PXK: variants seen among roughly 807,000 people sequenced by gnomAD.
PXK encodes the protein PX domain-containing protein kinase-like protein.
PXK carries 35 observed loss-of-function variants against 84.7 expected under a neutral mutation model. The ratio of observed to expected loss-of-function variants is 0.41; its 90% confidence interval spans 0.32 to 0.55. The LOEUF (loss-of-function observed/expected upper bound fraction) is 0.55. Ranked by LOEUF, PXK falls within the 20% of genes least tolerant of loss-of-function variation. The pLI is 0.21. For synonymous variants in PXK, 253 were observed against 260.8 expected, an observed-to-expected ratio of 0.97 and a Z score of 0.29; for missense variants, 634 against 699.7, an observed-to-expected ratio of 0.91 and a Z score of 1.06.
intron 1 of PXK, among the ~76,000 whole-genome samples, chr3:58,353,389 C>T (rs190395378): frequency 7.9e-5 from 12 of 152,208 alleles, no homozygotes; most frequent in South Asian, 4.1e-4. Context: ...TAGGTTAATA[C>T]GGTAATGATT....
chr3:58,335,039 GT>G (rs2097568528), intron 1 of PXK, among the ~76,000 whole-genome samples: 1 of 150,686 alleles, frequency 6.6e-6, no homozygotes, highest in African/African-American at 2.4e-5. Flanking sequence ...GTGTGTGTGT[GT>G]GTGTGTGTGT....
intron 17 of PXK, among the ~76,000 whole-genome samples, chr3:58,417,213 C>A (rs774188004): frequency 2.0e-5 from 3 of 152,200 alleles, no homozygotes; most frequent in Non-Finnish European, 4.4e-5. Flanking sequence ...CCTCACAGTT[C>A]TTTCTAATCA....
At chr3:58,389,999 CAAAAAAAAAAAAAA>C (rs61380830) in intron 4 of PXK, among the ~76,000 whole-genome samples, 1 of 51,608 alleles carries the variant, frequency 1.9e-5, no homozygotes, top group Non-Finnish European at 3.2e-5. Context: ...AACTCCGTCT[CAAAAAAAAAAAAAA>C]AAAAAAAAAA....
In PXK at chr3:58,383,277, GCA is replaced by G. The variant is rs772720407; in HGVS notation, c.388+578_388+579del. 2.2e-4 allele frequency among the ~76,000 whole-genome samples: 34 copies of G among 152,120 alleles called. No individual in the cohort carries two copies. Among genetic ancestry groups the G allele is most frequent in the Non-Finnish European group, 3.8e-4 (26 of 68,032 alleles). On this transcript the variant is annotated intron_variant, in intron 4 of 17. Transcript: ENST00000356151. This position sits in a 1 kb window ranked among gnomAD's most constrained non-coding sequence, Gnocchi z 4.0. ...ACTGCACTCTAGCCTAGGCAACAGA[GCA>G]AGACTCTGTCTTAAAAAGATAATAA... is the stretch of plus-strand genomic sequence containing the variant.
chr3:58,383,232 C>T lies in PXK; in HGVS notation c.388+532C>T, dbSNP rs1005882870. Among the ~76,000 whole-genome samples the T allele has an allele frequency of 6.6e-6, 1 of 152,156 alleles. No homozygotes were observed. Among genetic ancestry groups the T allele is most frequent in the Non-Finnish European group, 1.5e-5 (1 of 68,026 alleles). On this transcript the variant is annotated intron_variant, in intron 4 of 17. Transcript: ENST00000356151. The surrounding 1 kb of genome is among the most constrained non-coding windows in gnomAD (Gnocchi z 4.0). ...GCTTGAACCCGGGAGGTGGAGGTTG[C>T]AGTGAGCCGAGATAGCACCACTGCA... is the stretch of plus-strand genomic sequence containing the variant.
At chr3:58,393,485 GA>G (rs2098651475) in intron 7 of PXK, among the ~76,000 whole-genome samples, 1 of 152,084 alleles carries the variant, frequency 6.6e-6, no homozygotes, top group African/African-American at 2.4e-5. Context: ...TTTAAAACCT[GA>G]TTTTTTTTTC....
At chr3:58,373,976 T>C (rs1174483660) in intron 3 of PXK, among the ~76,000 whole-genome samples, 2 of 141,010 alleles carry the variant, frequency 1.4e-5, no homozygotes, top group East Asian at 4.2e-4. Context: ...ACCCAGGAGG[T>C]GGAGCTTGCA....
At chr3:58,417,588 A>G (rs1491002807) in intron 17 of PXK, among the ~76,000 whole-genome samples, 2 of 151,810 alleles carry the variant, frequency 1.3e-5, no homozygotes, top group South Asian at 2.1e-4. Context: ...ATTCTCTAAT[A>G]CTCTTTTGCT....
Position 58,397,245 on chromosome 3 carries a change from C to A in PXK, c.984+45C>A. 6.3e-7 allele frequency: 1 copy of A among 1,581,796 alleles called. No homozygotes were observed. The highest frequency in any genetic ancestry group is 1.1e-5 in the South Asian group (1 of 90,000). ...AAATAGCAGGTTCATTTTTAGGTGT[C>A]AGTTATCCCCATGATCTGCCCATGT... is the stretch of plus-strand genomic sequence containing the variant. On this transcript the variant is annotated intron_variant, in intron 10 of 17. Coordinates refer to ENST00000356151, the MANE Select transcript of PXK (RefSeq NM_017771.5). The surrounding 1 kb of genome is among the most constrained non-coding windows in gnomAD (Gnocchi z 4.7).
intron 17 of PXK, 38 bp downstream of exon 17, chr3:58,413,001 C>T: frequency 5.0e-6 from 8 of 1,598,340 alleles, no homozygotes; most frequent in Non-Finnish European, 6.9e-6. Flanking sequence ...ACCTTCCTGT[C>T]CGCCAACAGG....
Position 58,397,523 on chromosome 3 carries a change from T to C in PXK, c.985-82T>C. On this transcript the variant is annotated intron_variant, in intron 10 of 17. Coordinates refer to ENST00000356151, the MANE Select transcript of PXK (RefSeq NM_017771.5). This position sits in a 1 kb window ranked among gnomAD's most constrained non-coding sequence, Gnocchi z 4.7. ...CGGGGCTATCCCTGGGCTTTGTTTC[T>C]CAGAGAAGCCTTGGGGCAGGAGCGC... The C allele has an allele frequency of 8.3e-7, 1 of 1,201,520 alleles. No homozygotes were observed. Among genetic ancestry groups the C allele is most frequent in the South Asian group, 1.2e-5 (1 of 80,744 alleles). 74.4% of individuals were successfully genotyped at this position (1,201,520 alleles called of 1,614,324 possible). A position where few individuals can be genotyped will look rare whatever the true frequency, so the allele number is the denominator to read the frequency against.
At position 58,400,850 on chromosome 3, in the gene PXK, A is replaced by G. The variant is rs2058453665; in HGVS notation, c.1181+1473A>G. On this transcript the variant is annotated intron_variant, in intron 12 of 17. Coordinates refer to ENST00000356151, the MANE Select transcript of PXK (RefSeq NM_017771.5). The surrounding 1 kb of genome is among the most constrained non-coding windows in gnomAD (Gnocchi z 4.0). ...AGAATCACTTGAACTGGGGAGGCAGAGGTTGCAGTGAGCCAAGATCTCAGC... is the reference window on the plus strand; with the variant it reads ...AGAATCACTTGAACTGGGGAGGCAGGGGTTGCAGTGAGCCAAGATCTCAGC... 6.6e-6 allele frequency among the ~76,000 whole-genome samples: 1 copy of G among 152,192 alleles called. No individual in the cohort carries two copies. The highest frequency in any genetic ancestry group is 2.4e-5 in the African/African-American group (1 of 41,444).
chr3:58,392,871 G>A (rs536725991), intron 7 of PXK, among the ~76,000 whole-genome samples: 12 of 151,598 alleles, frequency 7.9e-5, no homozygotes, highest in South Asian at 2.1e-4. Flanking sequence ...CATGTTGGCC[G>A]GGCAGATCTT....
chr3:58,361,787 A>G (rs2098191754), intron 1 of PXK, among the ~76,000 whole-genome samples: 1 of 152,206 alleles, frequency 6.6e-6, no homozygotes, highest in African/African-American at 2.4e-5. Flanking sequence ...GCTTTTACTG[A>G]TAAAGTTGCT....
At chr3:58,410,239 G>A (rs1004907462) in intron 16 of PXK, 80 bp downstream of exon 16, 6 of 1,057,680 alleles carry the variant, frequency 5.7e-6, no homozygotes, top group Non-Finnish European at 8.7e-6. Context: ...GAGGTCTTGA[G>A]TTCTGCTGGC....
intron 1 of PXK, among the ~76,000 whole-genome samples, chr3:58,341,628 A>C (rs1415311493): frequency 2.0e-5 from 3 of 152,152 alleles, no homozygotes; most frequent in Admixed American, 6.6e-5. Flanking sequence ...TAAAGCATAC[A>C]ATCCAATGGC....
intron 3 of PXK, among the ~76,000 whole-genome samples, chr3:58,374,928 G>A (rs552853670): frequency 1.3e-5 from 2 of 152,200 alleles, no homozygotes; most frequent in South Asian, 2.1e-4. Flanking sequence ...AACCACCTCC[G>A]GTCTGTCTGA....
chr3:58,397,530 A>ATTCT lies in PXK; in HGVS notation c.985-75_985-74insTTCT. ...ATCCCTGGGCTTTGTTTCTCAGAGA[A>ATTCT]GCCTTGGGGCAGGAGCGCGAGGGTC... On this transcript the variant is annotated intron_variant, in intron 10 of 17. Transcript: ENST00000356151. The surrounding 1 kb of genome is among the most constrained non-coding windows in gnomAD (Gnocchi z 4.7). The ATTCT allele has an allele frequency of 3.2e-6, 4 of 1,238,594 alleles. No homozygotes were observed. Among genetic ancestry groups the ATTCT allele is most frequent in the Non-Finnish European group, 4.8e-6 (4 of 841,650 alleles). The allele number at this position is 1,238,594 out of a possible 1,614,324, so 76.7% of individuals were successfully genotyped here. A position where few individuals can be genotyped will look rare whatever the true frequency, so the allele number is the denominator to read the frequency against.
intron 17 of PXK, among the ~76,000 whole-genome samples, chr3:58,415,090 C>T (rs1457973482): frequency 2.0e-5 from 3 of 152,124 alleles, no homozygotes; most frequent in Admixed American, 1.3e-4. Flanking sequence ...AGTATTTTTC[C>T]CTATTCTGTC....
Sources: allele counts gnomAD v4.1 joint callset (sites outside exome capture counted in the v4.1 genomes callset), GRCh38; gene constraint gnomAD v4.1.1; non-coding constraint Gnocchi (gnomAD v3.1); transcripts MANE v1.5; gene names NCBI Gene and HGNC (gene_info 2026-07-23, HGNC 2026-07-21).